NPFFR1: variants seen among roughly 807,000 people sequenced by gnomAD.
NPFFR1 encodes the protein neuropeptide FF receptor 1, also known as G-protein coupled receptor 147.
NPFFR1 carries 17 observed loss-of-function variants against 12.7 expected under a neutral mutation model. The observed-to-expected ratio is 1.34, with a 90% CI of 0.92 to 2.01. The LOEUF is 2.01. Among genes scored for constraint, NPFFR1 ranks in the 30% most tolerant of loss-of-function variants. The pLI is 0.00. For missense variants in NPFFR1, 604 were observed against 606.5 expected (o/e 1.00, Z 0.04); for synonymous variants, 296 against 264.5 (o/e 1.12, Z -1.16).
chr10:70,250,259 A>G lies in NPFFR1; in HGVS notation c.*4698T>C, dbSNP rs1158003129. On this transcript the variant is annotated 3_prime_UTR_variant, in exon 4 of 4. Coordinates refer to ENST00000277942, the MANE Select transcript of NPFFR1 (RefSeq NM_022146.5). ...CTGCTAAGTGTTGGCCAGGATGTAGAACAACTGGAACATTCATACACTGCT... is the reference window on the plus strand; with the variant it reads ...CTGCTAAGTGTTGGCCAGGATGTAGGACAACTGGAACATTCATACACTGCT... 2.6e-5 allele frequency: 4 copies of G among 152,214 alleles called. No individual in the cohort carries two copies. Among genetic ancestry groups the G allele is most frequent in the Admixed American group, 1.3e-4 (2 of 15,280 alleles). The allele number at this position is 152,214 out of a possible 1,614,324, so 9.4% of individuals were successfully genotyped here. A position where few individuals can be genotyped will look rare whatever the true frequency, so the allele number is the denominator to read the frequency against.
In NPFFR1 at chr10:70,255,129, A is replaced by G. The variant is rs1368563209; in HGVS notation, c.1121T>C (p.Val374Ala). 2.0e-6 allele frequency: 3 copies of G among 1,515,576 alleles called. No individual in the cohort carries two copies. Among genetic ancestry groups the G allele is most frequent in the Non-Finnish European group, 2.6e-6 (3 of 1,134,650 alleles). 93.9% of individuals were successfully genotyped at this position (1,515,576 alleles called of 1,614,324 possible). ...CCCGGAGTCGCTGGGCCGCACCACC[A>G]CGAAGACCCGCCTGTGCAGAAGCCC... ...PGGLLHRRVF[V>A]VVRPSDSGLP... is the part of the protein sequence containing the mutation. The change falls in exon 4 of 4, where the codon GTG (valine) becomes GCG (alanine). Residue 374 changes from valine (V) to alanine (A), a missense_variant. Val to Ala is a moderately conservative substitution (Grantham distance 64). Transcript: ENST00000277942. This position sits in a 1 kb window ranked among gnomAD's most constrained non-coding sequence, Gnocchi z 4.2.
chr10:70,255,321 G>C lies in NPFFR1; in HGVS notation c.929C>G (p.Ala310Gly). 1 of 1,581,070 alleles carries C rather than the reference G, an allele frequency of 6.3e-7. No individual in the cohort carries two copies. The highest frequency in any genetic ancestry group is 8.6e-7 in the Non-Finnish European group (1 of 1,167,644). Residue 310 changes from alanine (A) to glycine (G), a missense_variant, in exon 4 of 4, where the codon GCC becomes GGC. Coordinates refer to ENST00000277942, the MANE Select transcript of NPFFR1 (RefSeq NM_022146.5). The surrounding 1 kb of genome is among the most constrained non-coding windows in gnomAD (Gnocchi z 4.2). ...GGCCAGCCAGTGCGCGAAGGGGAAG[G>C]CGTAGACGGTGACCAGGTGCAGCTG... ...APQLHLVTVY[A>G]FPFAHWLAFF... is the part of the protein sequence containing the mutation.
chr10:70,255,281 G>A lies in NPFFR1; in HGVS notation c.969C>T (p.Ser323=). 1.3e-6 allele frequency: 2 copies of A among 1,579,446 alleles called. No individual in the cohort carries two copies. Among genetic ancestry groups the A allele is most frequent in the South Asian group, 1.1e-5 (1 of 87,026 alleles). Residue 323 remains serine, a synonymous_variant, in exon 4 of 4, where the codon AGC becomes AGT. Coordinates refer to ENST00000277942, the MANE Select transcript of NPFFR1 (RefSeq NM_022146.5). This position sits in a 1 kb window ranked among gnomAD's most constrained non-coding sequence, Gnocchi z 4.2. ...FAHWLAFFNS[S]ANPIIYGYFN... The stretch of plus-strand genomic sequence containing the variant: ...AGTAGCCGTAGATGATGGGGTTGGC[G>A]CTGCTGTTGAAGAAGGCCAGCCAGT...
Position 70,255,817 on chromosome 10 carries a change from T to G in NPFFR1, c.433A>C (p.Ile145Leu), listed in dbSNP as rs3812694. 119,302 of 1,607,144 alleles carry G rather than the reference T, an allele frequency of 0.074. 6,319 individuals are homozygous for G. The highest frequency in any genetic ancestry group is 0.26 in the African/African-American group (19,420 of 74,800). Residue 145 changes from isoleucine to leucine, a missense_variant, in exon 4 of 4, where the codon ATC becomes CTC. Ile to Leu is a conservative substitution (Grantham distance 5). Coordinates refer to ENST00000277942, the MANE Select transcript of NPFFR1 (RefSeq NM_022146.5). The surrounding 1 kb of genome is among the most constrained non-coding windows in gnomAD (Gnocchi z 4.2). ...VAIAVERFRC[I>L]VHPFREKLTL... is the part of the protein sequence containing the mutation. ...AGCTTCTCGCGGAAAGGGTGCACGATGCAGCGGAACCTGCCGCGGGGAGAG... is the reference window on the plus strand; with the variant it reads ...AGCTTCTCGCGGAAAGGGTGCACGAGGCAGCGGAACCTGCCGCGGGGAGAG...
chr10:70,262,119 G>A (rs1325374762), intron 2 of NPFFR1, among the ~76,000 whole-genome samples: 1 of 152,192 alleles, frequency 6.6e-6, no homozygotes, highest in African/African-American at 2.4e-5. Flanking sequence ...ATGGATGAAT[G>A]GGATAGGTGA....
Position 70,255,490 on chromosome 10 carries a change from C to A in NPFFR1, c.760G>T (p.Glu254Ter). ...GATGCTCGCGGGTCCGCAGCCTCCT[C>A]GCCCCCGGGGGCCGGGCCCGGGGCC... ...CQAPGPAPGG[E>*]EAADPRASRR... Residue 254 changes from glutamate (E) to a stop codon, truncating the protein, a stop_gained, in exon 4 of 4, where the codon GAG becomes TAG. Transcript: ENST00000277942. LOFTEE classifies it low-confidence loss of function (END_TRUNC). This position sits in a 1 kb window ranked among gnomAD's most constrained non-coding sequence, Gnocchi z 4.2. The A allele has an allele frequency of 6.5e-7, 1 of 1,547,676 alleles. No homozygotes were observed. Among genetic ancestry groups the A allele is most frequent in the Non-Finnish European group, 8.7e-7 (1 of 1,145,438 alleles).
rs187214964 is a variant in NPFFR1, at chr10:70,280,018, T to C, written c.7+3652A>G. Among the ~76,000 whole-genome samples the C allele has an allele frequency of 4.6e-5, 7 of 152,364 alleles. No individual in the cohort carries two copies. In the East Asian group the frequency reaches 9.6e-4, roughly 21 times the overall value. On this transcript the variant is annotated intron_variant, in intron 1 of 3. Coordinates refer to ENST00000277942, the MANE Select transcript of NPFFR1 (RefSeq NM_022146.5). ...GCTTGACTTATTTTACGTAGTATAA[T>C]GTTCTCCAATATTGTCCATGATGTT...
intron 1 of NPFFR1, among the ~76,000 whole-genome samples, chr10:70,283,132 T>TTTGTGTG (rs1554833974): frequency 3.3e-4 from 49 of 149,660 alleles, no homozygotes; most frequent in East Asian, 6.0e-4. Flanking sequence ...CTCTCTCTTT[T>TTTGTGTG]TGTGTGTGTG....
rs1589907789 is a variant in NPFFR1 at position 70,253,925 on chromosome 10, G to T, written c.*1032C>A. The T allele has an allele frequency of 2.0e-5, 3 of 152,292 alleles. No individual in the cohort carries two copies. Among genetic ancestry groups the T allele is most frequent in the Admixed American group, 2.0e-4 (3 of 15,306 alleles). The allele number at this position is 152,292 out of a possible 1,614,324, so 9.4% of individuals were successfully genotyped here. A position where few individuals can be genotyped will look rare whatever the true frequency, so the allele number is the denominator to read the frequency against. On this transcript the variant is annotated 3_prime_UTR_variant, in exon 4 of 4. Transcript: ENST00000277942. Reference sequence around the variant, plus strand: ...GAGTACACAAGTCATTTGTGCTGGGGAAGAGTTTAGTGTGTGTCCTTCAGG... The same window carrying T: ...GAGTACACAAGTCATTTGTGCTGGGTAAGAGTTTAGTGTGTGTCCTTCAGG...
chr10:70,270,235 G>A (rs1204372442), intron 1 of NPFFR1, among the ~76,000 whole-genome samples: 2 of 152,182 alleles, frequency 1.3e-5, no homozygotes, highest in East Asian at 3.8e-4. Flanking sequence ...AAGGAAGGTG[G>A]ATCCTTATAT....
chr10:70,260,672 G>A lies in NPFFR1; in HGVS notation c.390C>T (p.Ser130=), dbSNP rs774599683. The part of the protein sequence containing the change: ...GLVQGMSVSA[S]VFTLVAIAVE... ...CAGCAATGGCCACCAGTGTGAAAACGGAAGCCGACACAGACATGCCCTGCA... is the reference window on the plus strand; with the variant it reads ...CAGCAATGGCCACCAGTGTGAAAACAGAAGCCGACACAGACATGCCCTGCA... Residue 130 remains serine (S), a synonymous_variant, in exon 3 of 4, where the codon TCC becomes TCT. Transcript: ENST00000277942. The A allele has an allele frequency of 8.7e-6, 14 of 1,611,132 alleles. No homozygotes were observed. The highest frequency in any genetic ancestry group is 6.7e-5 in the African/African-American group (5 of 74,868).
chr10:70,249,082 C>A lies in NPFFR1; in HGVS notation c.*5875G>T, dbSNP rs1026503295. On this transcript the variant is annotated 3_prime_UTR_variant, in exon 4 of 4. Coordinates refer to ENST00000277942, the MANE Select transcript of NPFFR1 (RefSeq NM_022146.5). ...TATCACACTATATCCTCTTACCTTG[C>A]TTTAGACCCATTCTTAATGGATTTA... 2.0e-5 allele frequency: 3 copies of A among 152,100 alleles called. No homozygotes were observed. Among genetic ancestry groups the A allele is most frequent in the African/African-American group, 7.2e-5 (3 of 41,418 alleles). The allele number at this position is 152,100 out of a possible 1,614,324, so 9.4% of individuals were successfully genotyped here.
Position 70,283,588 on chromosome 10 carries a change from C to T in NPFFR1, c.7+82G>A, listed in dbSNP as rs1589918348. ...GGACAGCCATGGGTGATCAGCTGCC[C>T]GGCCCTCTCCTCTCCCTTCGCCCCA... On this transcript the variant is annotated intron_variant, in intron 1 of 3. Coordinates refer to ENST00000277942, the MANE Select transcript of NPFFR1 (RefSeq NM_022146.5). 6 of 1,335,004 alleles carry T rather than the reference C, an allele frequency of 4.5e-6. No individual in the cohort carries two copies. The South Asian group carries it at 5.0e-5, about 11-fold the overall frequency. The allele number at this position is 1,335,004 out of a possible 1,614,324, so 82.7% of individuals were successfully genotyped here.
At position 70,255,275 on chromosome 10, in the gene NPFFR1, G is replaced by A; in HGVS notation, c.975C>T (p.Asn325=). The A allele has an allele frequency of 6.3e-7, 1 of 1,578,488 alleles. No homozygotes were observed. Among genetic ancestry groups the A allele is most frequent in the Non-Finnish European group, 8.6e-7 (1 of 1,167,346 alleles). ...CGTTGAAGTAGCCGTAGATGATGGG[G>A]TTGGCGCTGCTGTTGAAGAAGGCCA... The part of the protein sequence containing the change: ...HWLAFFNSSA[N]PIIYGYFNEN... The change falls in exon 4 of 4, where the codon AAC becomes AAT. Residue 325 remains asparagine, a synonymous_variant. Transcript: ENST00000277942. The surrounding 1 kb of genome is among the most constrained non-coding windows in gnomAD (Gnocchi z 4.2).
intron 2 of NPFFR1, among the ~76,000 whole-genome samples, chr10:70,263,775 TA>T (rs113361997): frequency 4.1e-5 from 6 of 144,936 alleles, no homozygotes; most frequent in Admixed American, 2.8e-4. Context: ...GTATGTGAGT[TA>T]AAAAAAAAAC....
intron 2 of NPFFR1, among the ~76,000 whole-genome samples, chr10:70,264,943 T>C (rs1469530608): frequency 4.6e-5 from 7 of 152,264 alleles, no homozygotes; most frequent in Admixed American, 2.6e-4. Flanking sequence ...TTGACTGGTA[T>C]GCATGTATTT....
In NPFFR1 at chr10:70,273,751, T is replaced by A. The variant is rs373327447; in HGVS notation, c.8-7360A>T. ...TTCATAACACAGCTTTTCCTTCCAT[T>A]GGATGACCTCCCCACACCCTTCCAA... On this transcript the variant is annotated intron_variant, in intron 1 of 3. Transcript: ENST00000277942. 3.1e-4 allele frequency among the ~76,000 whole-genome samples: 47 copies of A among 152,310 alleles called. No individual in the cohort carries two copies. In the East Asian group the frequency reaches 7.5e-3, roughly 24 times the overall value.
chr10:70,248,137 G>C lies in NPFFR1; in HGVS notation c.*6820C>G, dbSNP rs896103838. On this transcript the variant is annotated 3_prime_UTR_variant, in exon 4 of 4. Transcript: ENST00000277942. ...GAAGGAGAGACCACAGCAGCTTGGG[G>C]AATGGCAAAAACCTGGACTTTGTGG... is the stretch of plus-strand genomic sequence containing the variant. 6.6e-6 allele frequency: 1 copy of C among 152,170 alleles called. No homozygotes were observed. The highest frequency in any genetic ancestry group is 1.5e-5 in the Non-Finnish European group (1 of 68,026). 9.4% of individuals were successfully genotyped at this position (152,170 alleles called of 1,614,324 possible).
chr10:70,276,994 G>A (rs553028055), intron 1 of NPFFR1, among the ~76,000 whole-genome samples: 10 of 152,292 alleles, frequency 6.6e-5, no homozygotes, highest in African/African-American at 2.4e-4. Context: ...TAGACCGCCT[G>A]GCTCTAACAG....
Sources: gnomAD v4.1 joint callset for allele counts (sites outside exome capture counted in the v4.1 genomes callset) on GRCh38, gnomAD v4.1.1 for gene constraint, Gnocchi (gnomAD v3.1) non-coding constraint, MANE v1.5 for transcripts, NCBI Gene and HGNC (gene_info 2026-07-23, HGNC 2026-07-21) for gene names.